The following FANCA variants were observed in gnomAD, a reference collection of about 807,000 sequenced individuals.
FANCA encodes Fanconi anemia group A protein.
In FANCA, 236 loss-of-function variants were observed where a neutral mutation model predicts 194.3. The ratio of observed to expected loss-of-function variants is 1.21; its 90% CI spans 1.09 to 1.35. The LOEUF is 1.35. FANCA is among the 40% of genes most tolerant of loss of function. The pLI, the probability that FANCA is intolerant of heterozygous loss-of-function variation, is 0.00. For missense variants in FANCA, 2,628 were observed against 1,813.9 expected (o/e 1.45, Z -8.15); for synonymous variants, 1,014 against 715.8 (o/e 1.42, Z -6.65).
intron 14 of FANCA, among the ~76,000 whole-genome samples, chr16:89,788,131 CCA>C (rs2039956844): frequency 6.6e-6 from 1 of 152,138 alleles, no homozygotes; most frequent in Non-Finnish European, 1.5e-5. Flanking sequence ...CCTCGTCCTC[CCA>C]CAGTGCTGGT....
Position 89,758,603 on chromosome 16 carries a change from G to A in FANCA, c.2955C>T (p.Val985=). ...GDLQAACTIL[V]NALMDFHQSS... ...TTTGGTGGAAATCCATCAGTGCGTT[G>A]ACAAGAATGGTACACGCAGCCTGCA... Residue 985 remains valine (V), a synonymous_variant, in exon 30 of 43, where the codon GTC becomes GTT. Transcript: ENST00000389301. 3 of 1,613,942 alleles carry A rather than the reference G, an allele frequency of 1.9e-6. No homozygotes were observed. The highest frequency in any genetic ancestry group is 2.5e-6 in the Non-Finnish European group (3 of 1,179,880).
intron 18 of FANCA, 26 bp downstream of exon 18, chr16:89,779,843 G>C: frequency 2.5e-6 from 4 of 1,602,910 alleles, no homozygotes; most frequent in East Asian, 2.2e-5. Flanking sequence ...GCAGCTGCTA[G>C]AGGCCTTTTC....
Position 89,738,172 on chromosome 16 carries a change from G to T in FANCA, c.*429C>A. ...CCAGGACAAGGCCCTGCCCCTGGAG[G>T]CGGAACCACCACCTGGGCCACCGAG... On this transcript the variant is annotated 3_prime_UTR_variant, in exon 43 of 43. Coordinates refer to ENST00000389301, the MANE Select transcript of FANCA (RefSeq NM_000135.4). 1.9e-6 allele frequency: 3 copies of T among 1,612,940 alleles called. No homozygotes were observed. The highest frequency in any genetic ancestry group is 2.5e-6 in the Non-Finnish European group (3 of 1,179,800).
At chr16:89,815,063 G>A (rs1340348554) in intron 2 of FANCA, among the ~76,000 whole-genome samples, 3 of 151,966 alleles carry the variant, frequency 2.0e-5, no homozygotes, top group Non-Finnish European at 4.4e-5. Flanking sequence ...TTTTTGAGAG[G>A]GAGTCTCACT....
At position 89,799,312 on chromosome 16, in the gene FANCA, G is replaced by A; in HGVS notation, c.827-80C>T. 3.2e-6 allele frequency: 5 copies of A among 1,539,596 alleles called. No individual in the cohort carries two copies. The East Asian group carries it at 1.1e-4, about 35-fold the overall frequency. ...CAGAAACAATCCCCAGGCGCTTTCA[G>A]ACAACAGATCCACTTCAACCCCCCA... On this transcript the variant is annotated intron_variant, in intron 9 of 42. Coordinates refer to ENST00000389301, the MANE Select transcript of FANCA (RefSeq NM_000135.4).
At position 89,799,246 on chromosome 16, in the gene FANCA, C is replaced by T; in HGVS notation, c.827-14G>A. 6.2e-7 allele frequency: 1 copy of T among 1,613,800 alleles called. No individual in the cohort carries two copies. ...CGTCAAGTGCAACTGAAGACAGAGCCAGGAACAGAAAACAGATGTCAGCAC... is the reference window on the plus strand; with the variant it reads ...CGTCAAGTGCAACTGAAGACAGAGCTAGGAACAGAAAACAGATGTCAGCAC... On this transcript the variant is annotated splice_polypyrimidine_tract_variant and intron_variant, in intron 9 of 42. Coordinates refer to ENST00000389301, the MANE Select transcript of FANCA (RefSeq NM_000135.4).
At chr16:89,793,584 G>A (rs1288015158) in intron 11 of FANCA, among the ~76,000 whole-genome samples, 2 of 151,786 alleles carry the variant, frequency 1.3e-5, no homozygotes, top group African/African-American at 4.8e-5. Flanking sequence ...TTGGTGCCTG[G>A]GTGGCTTGCC....
At chr16:89,805,441 T>A (rs371745520) in intron 6 of FANCA, 49 bp from the exon 7 acceptor site, 3 of 1,474,060 alleles carry the variant, frequency 2.0e-6, no homozygotes, top group African/African-American at 1.4e-5. Flanking sequence ...AATCCCATCA[T>A]CAGGGGATTG....
Position 89,771,753 on chromosome 16 carries a change from C to G in FANCA, c.2076G>C (p.Glu692Asp). The G allele has an allele frequency of 6.2e-7, 1 of 1,614,136 alleles. No homozygotes were observed. Among genetic ancestry groups the G allele is most frequent in the Non-Finnish European group, 8.5e-7 (1 of 1,180,044 alleles). The change falls in exon 23 of 43, where the codon GAG (glutamate) becomes GAC (aspartate). Residue 692 changes from glutamate (E) to aspartate (D), a missense_variant. Glu to Asp is a conservative substitution (Grantham distance 45, BLOSUM62 2). Transcript: ENST00000389301. Reference sequence around the variant, plus strand: ...TTGATATCTCAACGCTGCTGTCATCCTCATTGTGGCCCAGGACAGCCCTCA... The same window carrying G: ...TTGATATCTCAACGCTGCTGTCATCGTCATTGTGGCCCAGGACAGCCCTCA... ...ERLRAVLGHN[E>D]DDSSVEISKI...
chr16:89,796,061 C>G, intron 10 of FANCA, 43 bp from the exon 11 acceptor site: 1 of 1,451,270 alleles, frequency 6.9e-7, no homozygotes, highest in Non-Finnish European at 9.7e-7. Flanking sequence ...GGGAGGGTGC[C>G]TTGCACGCCA....
At chr16:89,742,758 G>A (rs750764468) in intron 37 of FANCA, 42 bp downstream of exon 37, 4 of 1,595,844 alleles carry the variant, frequency 2.5e-6, no homozygotes, top group Admixed American at 3.4e-5. Context: ...TTGAAACCAA[G>A]CTTGCGAGAA....
Position 89,737,668 on chromosome 16 carries a change from C to T in FANCA, c.*933G>A, listed in dbSNP as rs2061983882. On this transcript the variant is annotated 3_prime_UTR_variant, in exon 43 of 43. Transcript: ENST00000389301. ...TCTTAATAAACGAGGCCCTCATAGG[C>T]CCCTTGCTTGGGCCCACTGCATGGT... 3.3e-6 allele frequency: 5 copies of T among 1,502,956 alleles called. No individual in the cohort carries two copies. Among genetic ancestry groups the T allele is most frequent in the Non-Finnish European group, 3.6e-6 (4 of 1,122,984 alleles). The allele number at this position is 1,502,956 out of a possible 1,614,324, so 93.1% of individuals were successfully genotyped here.
Position 89,752,209 on chromosome 16 carries a change from C to G in FANCA, c.2995G>C (p.Asp999His), listed in dbSNP as rs1277218406. 1 of 1,613,694 alleles carries G rather than the reference C, an allele frequency of 6.2e-7. No individual in the cohort carries two copies. The highest frequency in any genetic ancestry group is 2.2e-5 in the East Asian group (1 of 44,886). The stretch of plus-strand genomic sequence containing the variant: ...ACCAAATCAGAATTTTCTGAGTGGT[C>G]ATAACTCCTTGAGCTGAAATGAAAA... The part of the protein sequence containing the change: ...MDFHQSSRSY[D>H]HSENSDLVFG... Residue 999 changes from aspartate (D) to histidine (H), a missense_variant, in exon 31 of 43, where the codon GAC becomes CAC. Physicochemically the swap from Asp to His is moderately conservative, Grantham distance 81. Coordinates refer to ENST00000389301, the MANE Select transcript of FANCA (RefSeq NM_000135.4).
chr16:89,781,363 CAAAAAAAAAAAAAA>C (rs775937692), intron 17 of FANCA, among the ~76,000 whole-genome samples: 1 of 60,400 alleles, frequency 1.7e-5, no homozygotes, highest in Non-Finnish European at 2.9e-5. Flanking sequence ...GACTCCATTC[CAAAAAAAAAAAAAA>C]AAAAAAAAAC....
chr16:89,758,748 T>C, intron 29 of FANCA, 43 bp from the exon 30 acceptor site: 3 of 1,608,954 alleles, frequency 1.9e-6, no homozygotes, highest in African/African-American at 1.3e-5. Context: ...AAATGCTTCG[T>C]GGCCAGCGGT....
chr16:89,804,298 C>G (rs17225929), intron 7 of FANCA, among the ~76,000 whole-genome samples: 1,969 of 152,196 alleles, frequency 0.013, 21 homozygotes, highest in Non-Finnish European at 0.021. Context: ...GCAGGTGTTC[C>G]TCAGAACCCA....
intron 2 of FANCA, among the ~76,000 whole-genome samples, chr16:89,815,328 C>T (rs554418996): frequency 6.9e-6 from 1 of 145,786 alleles, no homozygotes; most frequent in Non-Finnish European, 1.5e-5. Context: ...TGAGCCACCA[C>T]GCCCGGCTTT....
intron 32 of FANCA, among the ~76,000 whole-genome samples, chr16:89,749,054 G>C (rs917156368): frequency 6.6e-6 from 1 of 152,220 alleles, no homozygotes; most frequent in South Asian, 2.1e-4. Flanking sequence ...CCAAGTGGAT[G>C]ACGCACCAGT....
intron 40 of FANCA, 61 bp downstream of exon 40, chr16:89,739,417 T>C: frequency 6.4e-7 from 1 of 1,554,878 alleles, no homozygotes. Flanking sequence ...GACCCAGAGG[T>C]GCTGAGATGG....
Sources: gnomAD v4.1 joint callset for allele counts (sites outside exome capture counted in the v4.1 genomes callset) on GRCh38, gnomAD v4.1.1 for gene constraint, MANE v1.5 for transcripts, NCBI Gene and HGNC (gene_info 2026-07-23, HGNC 2026-07-21) for gene names.